Variants in KANK1 observed in about 807,000 individuals in gnomAD.
KANK1 encodes KN motif and ankyrin repeat domain-containing protein 1.
KANK1 carries 109 observed loss-of-function variants against 106.2 expected under a neutral mutation model. The ratio of observed to expected loss-of-function variants is 1.03; its 90% CI spans 0.88 to 1.20. KANK1 has a LOEUF of 1.20. Ranked by LOEUF, KANK1 falls within the 50% of genes most tolerant of loss-of-function variation. KANK1 has a pLI of 0.00. For synonymous variants in KANK1, 873 were observed against 652.2 expected (o/e 1.34, Z -5.16); for missense variants, 2,399 against 1,710.7 (o/e 1.40, Z -7.10).
intron 1 of KANK1, among the ~76,000 whole-genome samples, chr9:545,963 G>T (rs1016517821): frequency 6.6e-6 from 1 of 151,974 alleles, no homozygotes; most frequent in African/African-American, 2.4e-5. Context: ...GGCCAGGCTG[G>T]TCTCGAACTC....
At chr9:715,509 C>T (rs10976018) in intron 3 of KANK1, among the ~76,000 whole-genome samples, 23,128 of 152,180 alleles carry the variant, frequency 0.15, 2,285 homozygotes, top group Non-Finnish European at 0.22. Flanking sequence ...CCTCTGAGCA[C>T]GGAGACCAGG....
At chr9:716,297 G>A (rs1283477471) in intron 3 of KANK1, among the ~76,000 whole-genome samples, 1 of 152,218 alleles carries the variant, frequency 6.6e-6, no homozygotes, top group Non-Finnish European at 1.5e-5. Flanking sequence ...TAGGAGTAAA[G>A]CACAGAGTAT....
rs921782330 is a variant in KANK1, at chr9:676,880, A to AT, written c.-83-8dup. 3.2e-6 allele frequency: 3 copies of AT among 944,066 alleles called. No homozygotes were observed. In the African/African-American group the frequency reaches 5.0e-5, roughly 16 times the overall value. 58.5% of individuals were successfully genotyped at this position (944,066 alleles called of 1,614,324 possible). ...GATCCATTTTGATGGGGCTCTCTTT[A>AT]TTGTTTCAGGTTGAATGCCTTTGAG... On this transcript the variant is annotated splice_polypyrimidine_tract_variant and intron_variant, in intron 1 of 11. Coordinates refer to ENST00000382297, the MANE Select transcript of KANK1 (RefSeq NM_015158.5).
At chr9:655,440 G>A (rs1320239639) in intron 1 of KANK1, among the ~76,000 whole-genome samples, 1 of 151,280 alleles carries the variant, frequency 6.6e-6, no homozygotes, top group African/African-American at 2.4e-5. Flanking sequence ...AAAAGGTAAT[G>A]GGTTAGGAAG....
intron 1 of KANK1, among the ~76,000 whole-genome samples, chr9:596,329 G>T (rs1826199272): frequency 6.6e-6 from 1 of 151,856 alleles, no homozygotes; most frequent in South Asian, 2.1e-4. Flanking sequence ...AGCAGCCATG[G>T]TTTAGTTTCC....
chr9:516,106 C>T (rs2059267296), intron 1 of KANK1, among the ~76,000 whole-genome samples: 2 of 151,528 alleles, frequency 1.3e-5, no homozygotes, highest in Non-Finnish European at 2.9e-5. Context: ...AGGGGACAGA[C>T]ACAAGGTGGT....
At chr9:622,965 A>C (rs1006791363) in intron 1 of KANK1, among the ~76,000 whole-genome samples, 6 of 152,152 alleles carry the variant, frequency 3.9e-5, no homozygotes, top group Non-Finnish European at 8.8e-5. Flanking sequence ...AGAAGAAAAC[A>C]CAGGGGAAAA....
chr9:739,163 G>A (rs1834644413), intron 8 of KANK1, among the ~76,000 whole-genome samples: 1 of 152,212 alleles, frequency 6.6e-6, no homozygotes, highest in African/African-American at 2.4e-5. Flanking sequence ...CACATACACA[G>A]ATGGTACCCT....
At chr9:671,048 C>G (rs1316480620) in intron 1 of KANK1, among the ~76,000 whole-genome samples, 2 of 145,582 alleles carry the variant, frequency 1.4e-5, no homozygotes, top group African/African-American at 2.5e-5. Context: ...GTGATAATCT[C>G]GATGGTGTAT....
intron 1 of KANK1, among the ~76,000 whole-genome samples, chr9:515,302 G>A (rs917636440): frequency 1.1e-4 from 16 of 149,566 alleles, no homozygotes; most frequent in African/African-American, 4.0e-4. Flanking sequence ...CCGAGATCGT[G>A]CCACTGCCCT....
chr9:710,715 A>C (rs985167079), intron 2 of KANK1, 89 bp from the exon 3 acceptor site: 1 of 1,243,996 alleles, frequency 8.0e-7, no homozygotes, highest in Non-Finnish European at 1.1e-6. Flanking sequence ...AAATCATACC[A>C]GCTTGCTGTA....
At chr9:647,063 C>A (rs2137389970) in intron 1 of KANK1, among the ~76,000 whole-genome samples, 1 of 151,122 alleles carries the variant, frequency 6.6e-6, no homozygotes, top group East Asian at 1.9e-4. Context: ...ACTAGGCCTT[C>A]CAGAAGCCAT....
intron 1 of KANK1, among the ~76,000 whole-genome samples, chr9:523,579 C>T (rs926114597): frequency 8.6e-5 from 13 of 151,878 alleles, no homozygotes; most frequent in African/African-American, 2.7e-4. Flanking sequence ...GCTGTCCTTG[C>T]CCGGTCCCTT....
chr9:570,456 T>TC (rs1049956163), intron 1 of KANK1, among the ~76,000 whole-genome samples: 17 of 152,158 alleles, frequency 1.1e-4, no homozygotes, highest in African/African-American at 4.1e-4. Flanking sequence ...TAGACACAGG[T>TC]CCCTAGAAGC....
chr9:728,683 C>T (rs1036600091), intron 3 of KANK1, among the ~76,000 whole-genome samples: 3 of 152,190 alleles, frequency 2.0e-5, no homozygotes, highest in Non-Finnish European at 2.9e-5. Context: ...GTGACGTTTA[C>T]CATCTATGTA....
chr9:558,080 A>G (rs1208135254), intron 1 of KANK1, among the ~76,000 whole-genome samples: 2 of 152,168 alleles, frequency 1.3e-5, no homozygotes, highest in Non-Finnish European at 1.5e-5. Flanking sequence ...GATTAGTCAG[A>G]TGCTGTGAGA....
chr9:655,847 CAG>C (rs1468175138), intron 1 of KANK1, among the ~76,000 whole-genome samples: 2 of 152,198 alleles, frequency 1.3e-5, no homozygotes, highest in African/African-American at 4.8e-5. Flanking sequence ...CCTGCTTACT[CAG>C]AGTTTCAATC....
chr9:534,299 C>G (rs2060197721), intron 1 of KANK1, among the ~76,000 whole-genome samples: 1 of 152,126 alleles, frequency 6.6e-6, no homozygotes, highest in South Asian at 2.1e-4. Context: ...GAAACTTGTT[C>G]TTTTTTTGAA....
chr9:608,957 A>G, intron 1 of KANK1, among the ~76,000 whole-genome samples: 1 of 152,176 alleles, frequency 6.6e-6, no homozygotes, highest in African/African-American at 2.4e-5. Flanking sequence ...ACATGGGCGT[A>G]TACTCACGCT....
Sources: gnomAD v4.1 joint callset for allele counts (sites outside exome capture counted in the v4.1 genomes callset) on GRCh38, gnomAD v4.1.1 for gene constraint, MANE v1.5 for transcripts, NCBI Gene and HGNC (gene_info 2026-07-23, HGNC 2026-07-21) for gene names.